The following TRPV3 variants were observed in gnomAD, a reference collection of about 807,000 sequenced individuals.
The protein encoded by TRPV3 is VRL-3.
In TRPV3, 88 loss-of-function variants were observed where a neutral mutation model predicts 87.1. The ratio of observed to expected loss-of-function variants is 1.01; its 90% CI spans 0.85 to 1.21. The LOEUF is 1.21. Among genes scored for constraint, TRPV3 ranks in the 50% most tolerant of loss-of-function variants. The pLI, the probability that TRPV3 is intolerant of heterozygous loss-of-function variation, is 0.00. For synonymous variants in TRPV3, 438 were observed against 423.3 expected, an observed-to-expected ratio of 1.03 and a Z score of -0.43; for missense variants, 1,054 against 1,030.1, an observed-to-expected ratio of 1.02 and a Z score of -0.32.
At chr17:3,546,053 T>G (rs1447720148) in intron 2 of TRPV3, among the ~76,000 whole-genome samples, 1 of 151,644 alleles carries the variant, frequency 6.6e-6, no homozygotes, top group Non-Finnish European at 1.5e-5. Context: ...GAGGCTTCGA[T>G]TCTGCTTACT....
chr17:3,524,472 G>C, intron 12 of TRPV3, 109 bp from the exon 13 acceptor site: 1 of 1,391,432 alleles, frequency 7.2e-7, no homozygotes, highest in Non-Finnish European at 9.8e-7. Flanking sequence ...TCACCCCGGT[G>C]ACGGATGCTG....
chr17:3,526,298 C>T (rs1235530981), intron 12 of TRPV3, among the ~76,000 whole-genome samples: 2 of 151,764 alleles, frequency 1.3e-5, no homozygotes, highest in Non-Finnish European at 1.5e-5. Context: ...ACCAACATGG[C>T]GAAACCCTGT....
At chr17:3,533,591 C>G (rs1351607283) in intron 7 of TRPV3, among the ~76,000 whole-genome samples, 1 of 151,880 alleles carries the variant, frequency 6.6e-6, no homozygotes, top group African/African-American at 2.4e-5. Context: ...CTCTGCCTCC[C>G]GGGTTCAAGC....
intron 6 of TRPV3, 23 bp from the exon 7 acceptor site, chr17:3,535,736 C>T: frequency 1.4e-6 from 2 of 1,458,440 alleles, no homozygotes; most frequent in Non-Finnish European, 1.8e-6. Context: ...CGGGGACGCG[C>T]GGGAGCCTCA....
chr17:3,520,624 G>A (rs941395555), intron 14 of TRPV3, among the ~76,000 whole-genome samples: 4 of 152,086 alleles, frequency 2.6e-5, no homozygotes, highest in Non-Finnish European at 5.9e-5. Context: ...CCTTATGATC[G>A]GGGTGATGAT....
rs1567635439 is a variant in TRPV3, at chr17:3,528,121, GA to G, written c.1406del (p.Ile469ThrfsTer7). 6.2e-7 allele frequency: 1 copy of G among 1,612,332 alleles called. No individual in the cohort carries two copies. Among genetic ancestry groups the G allele is most frequent in the Non-Finnish European group, 8.5e-7 (1 of 1,179,200 alleles). On this transcript the variant is annotated frameshift_variant, in exon 11 of 18. Coordinates refer to ENST00000576742, the MANE Select transcript of TRPV3 (RefSeq NM_145068.4). LOFTEE classifies it high-confidence loss of function. The surrounding 1 kb of genome is among the most constrained non-coding windows in gnomAD (Gnocchi z 4.2). Reference sequence around the variant, plus strand: ...TGTGCGTCAGGGCCAAGGGGTGCGGGATGGCCTGCAGGGAAAGAAGAGGGGT... The same window carrying G: ...TGTGCGTCAGGGCCAAGGGGTGCGGGTGGCCTGCAGGGAAAGAAGAGGGGT... ...SYYRPREEEA[I>X]PHPLALTHKM...
chr17:3,535,168 C>T (rs1482023879), intron 7 of TRPV3, among the ~76,000 whole-genome samples: 2 of 141,534 alleles, frequency 1.4e-5, no homozygotes, highest in Non-Finnish European at 3.1e-5. Context: ...TCTCCCTCCG[C>T]CCTCCTTCCT....
At chr17:3,538,169 C>T (rs912231609) in intron 6 of TRPV3, among the ~76,000 whole-genome samples, 5 of 150,942 alleles carry the variant, frequency 3.3e-5, no homozygotes, top group Non-Finnish European at 4.4e-5. Context: ...CCAGCCTGGG[C>T]AATAGAGCAA....
At chr17:3,527,933 C>A in intron 11 of TRPV3, 92 bp downstream of exon 11, 5 of 1,009,576 alleles carry the variant, frequency 5.0e-6, no homozygotes, top group Non-Finnish European at 7.7e-6. Flanking sequence ...CTCCCCAGAA[C>A]CCCCCAGCAG....
intron 14 of TRPV3, among the ~76,000 whole-genome samples, chr17:3,519,685 G>C (rs1176649311): frequency 7.0e-6 from 1 of 142,086 alleles, no homozygotes; most frequent in Admixed American, 7.2e-5. Context: ...TGGATGGATG[G>C]ATGATTGGAT....
chr17:3,550,705 T>C (rs893925683), intron 2 of TRPV3, among the ~76,000 whole-genome samples: 5 of 152,088 alleles, frequency 3.3e-5, no homozygotes, highest in South Asian at 2.1e-4. Context: ...TTTGTATTTT[T>C]AGTAGAGACA....
rs2074403094 is a variant in TRPV3 at position 3,535,691 on chromosome 17, G to A, written c.666C>T (p.Ala222=). ...AYEGQTALNI[A]IERRQGDIAA... ...CGATGTCCCCCTGCCGCCGCTCGATGGCGATGTTCAGCGCCGTCTGCCCTG... is the reference window on the plus strand; with the variant it reads ...CGATGTCCCCCTGCCGCCGCTCGATAGCGATGTTCAGCGCCGTCTGCCCTG... Residue 222 remains alanine (A), a synonymous_variant, in exon 7 of 18, where the codon GCC becomes GCT. Coordinates refer to ENST00000576742, the MANE Select transcript of TRPV3 (RefSeq NM_145068.4). 4 of 1,579,116 alleles carry A rather than the reference G, an allele frequency of 2.5e-6. No homozygotes were observed. In the African/African-American group the frequency reaches 5.5e-5, roughly 22 times the overall value.
chr17:3,526,351 G>A (rs1054066683), intron 12 of TRPV3, among the ~76,000 whole-genome samples: 6 of 152,114 alleles, frequency 3.9e-5, no homozygotes, highest in Non-Finnish European at 5.9e-5. Flanking sequence ...GATGGTGCAC[G>A]TCTGTAATCC....
chr17:3,529,703 A>G (rs1156792342), intron 9 of TRPV3, among the ~76,000 whole-genome samples: 1 of 152,102 alleles, frequency 6.6e-6, no homozygotes, highest in East Asian at 1.9e-4. Context: ...AACAATATGG[A>G]AAGGATCAAC....
Position 3,512,269 on chromosome 17 carries a change from C to G in TRPV3, c.*1648G>C, listed in dbSNP as rs758928682. 1 of 152,256 alleles carries G rather than the reference C, an allele frequency of 6.6e-6. No individual in the cohort carries two copies. Among genetic ancestry groups the G allele is most frequent in the South Asian group, 2.1e-4 (1 of 4,830 alleles). 9.4% of individuals were successfully genotyped at this position (152,256 alleles called of 1,614,324 possible). A position where few individuals can be genotyped will look rare whatever the true frequency, so the allele number is the denominator to read the frequency against. On this transcript the variant is annotated 3_prime_UTR_variant, in exon 18 of 18. Transcript: ENST00000576742. Reference sequence around the variant, plus strand: ...GCCCCGACCACTGTGGCTTAGAGCACGCGATTACTCCCTGGGTCAGCTGGG... The same window carrying G: ...GCCCCGACCACTGTGGCTTAGAGCAGGCGATTACTCCCTGGGTCAGCTGGG...
In TRPV3 at chr17:3,550,576, G is replaced by C. The variant is rs1290685343; in HGVS notation, c.119+4156C>G. Among the ~76,000 whole-genome samples the C allele has an allele frequency of 2.2e-5, 3 of 137,148 alleles. No homozygotes were observed. The East Asian group carries it at 6.8e-4, about 31-fold the overall frequency. 90.0% of individuals were successfully genotyped at this position (137,148 alleles called of 152,430 possible). A position where few individuals can be genotyped will look rare whatever the true frequency, so the allele number is the denominator to read the frequency against. ...GTCTCGCTCTGTCGCCTAGGCTGGA[G>C]TGCAGTGGCGTGATCTCAGCTCACT... is the stretch of plus-strand genomic sequence containing the variant. On this transcript the variant is annotated intron_variant, in intron 2 of 17. Transcript: ENST00000576742.
At position 3,514,688 on chromosome 17, in the gene TRPV3, T is replaced by G. The variant is rs372498214; in HGVS notation, c.2199-16A>C. 26 of 1,591,716 alleles carry G rather than the reference T, an allele frequency of 1.6e-5. No homozygotes were observed. The highest frequency in any genetic ancestry group is 2.0e-5 in the Non-Finnish European group (23 of 1,160,172). On this transcript the variant is annotated splice_polypyrimidine_tract_variant and intron_variant, in intron 16 of 17. Transcript: ENST00000576742. The stretch of plus-strand genomic sequence containing the variant: ...CTCATTGATCCTGCAAATGTGATAA[T>G]CATTCTTACTATTTCACCAGTGCCT...
chr17:3,516,524 G>A lies in TRPV3; in HGVS notation c.2131C>T (p.Leu711=). 1 of 1,614,092 alleles carries A rather than the reference G, an allele frequency of 6.2e-7. No individual in the cohort carries two copies. Among genetic ancestry groups the A allele is most frequent in the Non-Finnish European group, 8.5e-7 (1 of 1,180,004 alleles). Residue 711 remains leucine (L), a synonymous_variant, in exon 16 of 18, where the codon CTG becomes TTG. Coordinates refer to ENST00000576742, the MANE Select transcript of TRPV3 (RefSeq NM_145068.4). Reference sequence around the variant, plus strand: ...TCTCCCATCCGGAATCTGCTCCTCAGCCATTCTGGTAACATTTTCTCAAAC... The same window carrying A: ...TCTCCCATCCGGAATCTGCTCCTCAACCATTCTGGTAACATTTTCTCAAAC... ...LEFEKMLPEW[L]RSRFRMGELC...
intron 14 of TRPV3, among the ~76,000 whole-genome samples, chr17:3,519,575 T>C (rs1420166135): frequency 8.0e-6 from 1 of 124,328 alleles, no homozygotes; most frequent in Non-Finnish European, 1.7e-5. Flanking sequence ...GATGGATGGA[T>C]GATTAAATGG....
Sources: allele counts gnomAD v4.1 joint callset (sites outside exome capture counted in the v4.1 genomes callset), GRCh38; gene constraint gnomAD v4.1.1; non-coding constraint Gnocchi (gnomAD v3.1); transcripts MANE v1.5; gene names NCBI Gene and HGNC (gene_info 2026-07-23, HGNC 2026-07-21).